The following GPR35 variants were observed in gnomAD, a reference collection of about 807,000 sequenced individuals.
The protein encoded by GPR35 is KYNA receptor.
For synonymous variants in GPR35, 207 were observed against 198.4 expected (o/e 1.04, Z -0.36); for missense variants, 372 against 422.5 (o/e 0.88, Z 1.05).
chr2:240,614,968 A>G lies in GPR35; in HGVS notation c.-576-1420A>G, dbSNP rs571292890. 3.3e-5 allele frequency among the ~76,000 whole-genome samples: 5 copies of G among 151,824 alleles called. 1 individual carries two copies. The highest frequency in any genetic ancestry group is 3.9e-4 in the East Asian group (2 of 5,156). On this transcript the variant is annotated intron_variant, in intron 2 of 5. Transcript: ENST00000319838. Reference sequence around the variant, plus strand: ...TATGCATGTTTATGTGTGTATTTGTATATGTATCTATGTGTGTTTATATGC... The same window carrying G: ...TATGCATGTTTATGTGTGTATTTGTGTATGTATCTATGTGTGTTTATATGC...
chr2:240,612,729 C>T (rs1038496598), intron 2 of GPR35, among the ~76,000 whole-genome samples: 4 of 152,232 alleles, frequency 2.6e-5, no homozygotes, highest in African/African-American at 9.6e-5. Flanking sequence ...TGGCAGCCAG[C>T]GGGGCCTCGG....
chr2:240,622,120 A>G (rs368190063), upstream of GPR35, among the ~76,000 whole-genome samples: 34 of 151,936 alleles, frequency 2.2e-4, no homozygotes, highest in East Asian at 3.9e-3. Flanking sequence ...GCTCAAGCCA[A>G]CCTCCCACCT....
chr2:240,622,970 G>A (rs965477181), upstream of GPR35, among the ~76,000 whole-genome samples: 1 of 152,214 alleles, frequency 6.6e-6, no homozygotes, highest in Non-Finnish European at 1.5e-5. Context: ...GGCCTGGACT[G>A]GAAACCTGCC....
chr2:240,611,590 CAT>C, intron 2 of GPR35, among the ~76,000 whole-genome samples: 1 of 152,158 alleles, frequency 6.6e-6, no homozygotes, highest in Non-Finnish European at 1.5e-5. Flanking sequence ...ATGACACTGA[CAT>C]ATGTGGCCTG....
At chr2:240,627,301 G>A (rs2043389176) in intron 1 of GPR35, 1 of 152,254 alleles carries the variant, frequency 6.6e-6, no homozygotes, top group African/African-American at 2.4e-5. Flanking sequence ...TTGATTTCCT[G>A]AACTTTTCTG....
Position 240,630,143 on chromosome 2 carries a change from T to C in GPR35, c.191T>C (p.Val64Ala). 1 of 1,601,578 alleles carries C rather than the reference T, an allele frequency of 6.2e-7. No individual in the cohort carries two copies. Residue 64 changes from valine (V) to alanine (A), a missense_variant, in exon 2 of 2, where the codon GTG becomes GCG. Physicochemically the swap from Val to Ala is moderately conservative, Grantham distance 64. Transcript: ENST00000407714. ...ETRIYMTNLA[V>A]ADLCLLCTLP... ...CGCATCTACATGACCAACCTGGCGGTGGCCGACCTCTGCCTGCTGTGCACC... is the reference window on the plus strand; with the variant it reads ...CGCATCTACATGACCAACCTGGCGGCGGCCGACCTCTGCCTGCTGTGCACC...
chr2:240,624,222 G>A (rs545304337), upstream of GPR35, among the ~76,000 whole-genome samples: 382 of 77,708 alleles, frequency 4.9e-3, 2 homozygotes, highest in African/African-American at 0.011. Context: ...GCCAGAGTGA[G>A]GGATGGATGA....
chr2:240,616,383 C>T, intron 2 of GPR35: 2 of 772,044 alleles, frequency 2.6e-6, no homozygotes, highest in Non-Finnish European at 4.8e-6. Context: ...CTATTCCCCT[C>T]CTAGGTCTCT....
upstream of GPR35, among the ~76,000 whole-genome samples, chr2:240,624,213 C>T (rs918844913): frequency 1.0e-5 from 1 of 97,636 alleles, no homozygotes; most frequent in Non-Finnish European, 2.5e-5. Context: ...GACCCTGTGG[C>T]CAGAGTGAGG....
intron 2 of GPR35, among the ~76,000 whole-genome samples, chr2:240,610,613 A>C (rs2043173909): frequency 6.6e-6 from 1 of 151,914 alleles, no homozygotes; most frequent in African/African-American, 2.4e-5. Flanking sequence ...GGCATGTGGC[A>C]CCACACGTGG....
rs116803104 is a variant in GPR35, at chr2:240,608,872, T to C, written c.-577+2260T>C. Among the ~76,000 whole-genome samples the C allele has an allele frequency of 5.8e-3, 881 of 152,344 alleles. 13 individuals carry two copies. Among genetic ancestry groups the C allele is most frequent in the African/African-American group, 0.02 (834 of 41,584 alleles). ...CCATCTGGGTGAGGTATTTTCTTTG[T>C]AGAAAGGCTTCAAATTATGAATTCA... is the stretch of plus-strand genomic sequence containing the variant. On this transcript the variant is annotated intron_variant, in intron 2 of 5. Coordinates refer to the GPR35 transcript ENST00000319838.
At position 240,631,636 on chromosome 2, in the gene GPR35, C is replaced by T. The variant is rs937996213; in HGVS notation, c.*754C>T. 6.6e-6 allele frequency among the ~76,000 whole-genome samples: 1 copy of T among 152,152 alleles called. No individual in the cohort carries two copies. Among genetic ancestry groups the T allele is most frequent in the Non-Finnish European group, 1.5e-5 (1 of 68,012 alleles). ...TGTCAAGGAACCCAGCCCTCTTCTCCTTCCTTCAGGGAAAGGCTGGAAACC... is the reference window on the plus strand; with the variant it reads ...TGTCAAGGAACCCAGCCCTCTTCTCTTTCCTTCAGGGAAAGGCTGGAAACC... On this transcript the variant is annotated 3_prime_UTR_variant, in exon 2 of 2. Coordinates refer to ENST00000407714, the MANE Select transcript of GPR35 (RefSeq NM_005301.5).
At chr2:240,615,491 T>C (rs2043229262) in intron 2 of GPR35, among the ~76,000 whole-genome samples, 1 of 152,220 alleles carries the variant, frequency 6.6e-6, no homozygotes. Context: ...ACCTTTTATT[T>C]TGGAAATGTT....
At chr2:240,606,818 C>G (rs142500252) in intron 2 of GPR35, among the ~76,000 whole-genome samples, 1 of 152,188 alleles carries the variant, frequency 6.6e-6, no homozygotes, top group African/African-American at 2.4e-5. Context: ...AAGCAGGGGC[C>G]TTAAGTGTTG....
At chr2:240,624,684 T>C (rs2043348618), upstream of GPR35, among the ~76,000 whole-genome samples, 1 of 152,030 alleles carries the variant, frequency 6.6e-6, no homozygotes, top group Non-Finnish European at 1.5e-5. Context: ...GGGCCCACGT[T>C]GAGGAGACGA....
intron 2 of GPR35, among the ~76,000 whole-genome samples, chr2:240,614,438 C>T (rs556240793): frequency 3.2e-4 from 48 of 152,372 alleles, no homozygotes; most frequent in Admixed American, 8.5e-4. Context: ...TCCAGTTCTC[C>T]CTTCAGACTT....
At chr2:240,608,470 T>C (rs2975772) in intron 2 of GPR35, among the ~76,000 whole-genome samples, 120,843 of 152,224 alleles carry the variant, frequency 0.79, 48,153 homozygotes, top group East Asian at 0.97. Context: ...GAGTTTCTAT[T>C]ATTCATGGAT....
At position 240,630,148 on chromosome 2, in the gene GPR35, G is replaced by A. The variant is rs377201667; in HGVS notation, c.196G>A (p.Asp66Asn). 5 of 1,600,320 alleles carry A rather than the reference G, an allele frequency of 3.1e-6. No individual in the cohort carries two copies. Among genetic ancestry groups the A allele is most frequent in the African/African-American group, 1.3e-5 (1 of 74,874 alleles). The change falls in exon 2 of 2, where the codon GAC (aspartate) becomes AAC (asparagine). Residue 66 changes from aspartate (D) to asparagine (N), a missense_variant. Coordinates refer to ENST00000407714, the MANE Select transcript of GPR35 (RefSeq NM_005301.5). ...RIYMTNLAVA[D>N]LCLLCTLPFV... ...CTACATGACCAACCTGGCGGTGGCC[G>A]ACCTCTGCCTGCTGTGCACCTTGCC...
chr2:240,622,364 G>A (rs137925448), upstream of GPR35, among the ~76,000 whole-genome samples: 130 of 152,216 alleles, frequency 8.5e-4, 2 homozygotes, highest in Admixed American at 5.0e-3. Context: ...GAACGTAAAC[G>A]GCTTTTCTCT....
Sources: gnomAD v4.1 joint callset for allele counts (sites outside exome capture counted in the v4.1 genomes callset) on GRCh38, gnomAD v4.1.1 for gene constraint, MANE v1.5 for transcripts, NCBI Gene and HGNC (gene_info 2026-07-23, HGNC 2026-07-21) for gene names.